Variants in FAM20C observed in about 807,000 individuals in gnomAD.
FAM20C encodes FAM20C golgi associated secretory pathway kinase.
FAM20C carries 40 observed loss-of-function variants against 51.5 expected under a neutral mutation model. The ratio of observed to expected loss-of-function variants is 0.78; its 90% CI spans 0.60 to 1.01. The LOEUF (loss-of-function observed/expected upper bound fraction) is 1.01. Ranked by LOEUF, FAM20C falls within the 50% of genes least tolerant of loss-of-function variation. The probability of loss-of-function intolerance (pLI) is 0.00; values close to 1 mark genes in which losing one functional copy is unlikely to be tolerated. For missense variants in FAM20C, 861 were observed against 844.7 expected (o/e 1.02, Z -0.24); for synonymous variants, 406 against 380.6 (o/e 1.07, Z -0.78).
Position 231,464 on chromosome 7 carries a change from C to T in FAM20C, c.864-14951C>T, listed in dbSNP as rs986465381. On this transcript the variant is annotated intron_variant, in intron 3 of 9. Coordinates refer to ENST00000313766, the MANE Select transcript of FAM20C (RefSeq NM_020223.4). ...GGGCCCCGTGGGAGGAGGGTCCCGG[C>T]GTGGAGGACTCTGTGGGAGGAGGGT... 2.1e-4 allele frequency among the ~76,000 whole-genome samples: 32 copies of T among 151,292 alleles called. No homozygotes were observed. The East Asian group carries it at 3.0e-3, about 14-fold the overall frequency.
At chr7:229,885 T>C (rs1583316721) in intron 3 of FAM20C, among the ~76,000 whole-genome samples, 2 of 151,988 alleles carry the variant, frequency 1.3e-5, no homozygotes, top group Admixed American at 1.3e-4. Context: ...AGGGATCTAG[T>C]GTGTTTGGAG....
intron 5 of FAM20C, 144 bp from the exon 6 acceptor site, chr7:255,705 T>A: frequency 1.2e-6 from 1 of 815,870 alleles, no homozygotes; most frequent in Non-Finnish European, 1.9e-6. Context: ...TGGAGGTGTT[T>A]GCTGGGATTG....
In FAM20C at chr7:227,228, G is replaced by A. The variant is rs780407671; in HGVS notation, c.863+18252G>A. Reference sequence around the variant, plus strand: ...GGGTGCCGCTAGTGTGTGGGCCATCGTTCTAATTGTCACGAAAGGGAGGGA... The same window carrying A: ...GGGTGCCGCTAGTGTGTGGGCCATCATTCTAATTGTCACGAAAGGGAGGGA... On this transcript the variant is annotated intron_variant, in intron 3 of 9. Coordinates refer to ENST00000313766, the MANE Select transcript of FAM20C (RefSeq NM_020223.4). Among the ~76,000 whole-genome samples, 98 of 151,960 alleles carry A rather than the reference G, an allele frequency of 6.4e-4. 1 individual carries two copies. The highest frequency in any genetic ancestry group is 2.3e-3 in the African/African-American group (94 of 41,374).
intron 2 of FAM20C, among the ~76,000 whole-genome samples, chr7:203,369 A>G (rs1241687010): frequency 6.8e-6 from 1 of 147,968 alleles, no homozygotes; most frequent in Non-Finnish European, 1.5e-5. Context: ...AAAACCCAAA[A>G]TTGCACCTTT....
chr7:203,476 G>T (rs181635290), intron 2 of FAM20C, among the ~76,000 whole-genome samples: 25 of 152,356 alleles, frequency 1.6e-4, no homozygotes, highest in African/African-American at 6.0e-4. Context: ...GAGGGTGGGC[G>T]TCTGTACCTC....
intron 3 of FAM20C, chr7:228,586 G>A (rs1229814598): frequency 2.2e-6 from 1 of 456,260 alleles, no homozygotes; most frequent in Non-Finnish European, 4.4e-6. Context: ...GCTCTCCTCT[G>A]AGGGCAGCGT....
chr7:202,257 A>C (rs1049063810), intron 2 of FAM20C, among the ~76,000 whole-genome samples: 8 of 151,570 alleles, frequency 5.3e-5, no homozygotes, highest in African/African-American at 1.7e-4. Context: ...TCCCGTGTGC[A>C]TAGAGAGGAC....
intron 3 of FAM20C, among the ~76,000 whole-genome samples, chr7:236,302 G>A (rs989122551): frequency 0.042 from 6,323 of 152,330 alleles, 169 homozygotes; most frequent in African/African-American, 0.071. Flanking sequence ...CCTTGCAGGT[G>A]CAGGGAGAAA....
chr7:244,123 T>TG (rs1294056431), intron 3 of FAM20C, among the ~76,000 whole-genome samples: 1 of 151,942 alleles, frequency 6.6e-6, no homozygotes, highest in Non-Finnish European at 1.5e-5. Context: ...TTCGTAGACC[T>TG]GGGGTCTCAC....
At chr7:228,421 G>A (rs1240547418) in intron 3 of FAM20C, 2 of 455,530 alleles carry the variant, frequency 4.4e-6, no homozygotes, top group African/African-American at 2.0e-5. Flanking sequence ...GGGTTGAGGA[G>A]ACCCCCAAGA....
intron 9 of FAM20C, among the ~76,000 whole-genome samples, chr7:259,151 G>T (rs142142262): frequency 6.6e-6 from 1 of 152,186 alleles, no homozygotes; most frequent in Non-Finnish European, 1.5e-5. Flanking sequence ...GCATCACAGC[G>T]CCCGTGTTGT....
chr7:194,526 C>G (rs1185759496), intron 1 of FAM20C, among the ~76,000 whole-genome samples: 1 of 152,024 alleles, frequency 6.6e-6, no homozygotes, highest in South Asian at 2.1e-4. Context: ...GAAGGTTACC[C>G]CAGCAGCAGA....
chr7:208,008 C>T (rs376541258), intron 2 of FAM20C, among the ~76,000 whole-genome samples: 103 of 152,340 alleles, frequency 6.8e-4, no homozygotes, highest in African/African-American at 2.3e-3. Flanking sequence ...TGCGGAGCGG[C>T]GGGAGCTGCC....
chr7:256,932 C>A, intron 7 of FAM20C, 73 bp from the exon 8 acceptor site: 2 of 1,493,920 alleles, frequency 1.3e-6, no homozygotes, highest in Non-Finnish European at 9.0e-7. Flanking sequence ...CGCCGCTCTG[C>A]AGAGCACAGA....
At chr7:255,478 C>T (rs1018949953) in intron 5 of FAM20C, among the ~76,000 whole-genome samples, 16 of 152,184 alleles carry the variant, frequency 1.1e-4, no homozygotes, top group African/African-American at 3.9e-4. Context: ...ATGCTAGATC[C>T]TCAGATGTGC....
chr7:193,734 G>A lies in FAM20C; in HGVS notation c.535G>A (p.Glu179Lys), dbSNP rs771901909. Reference sequence around the variant, plus strand: ...CCGGGTGGCGGTTCCGCCGCTCACGGAGGAGGACGTCCTGTTCAATGTGAA... The same window carrying A: ...CCGGGTGGCGGTTCCGCCGCTCACGAAGGAGGACGTCCTGTTCAATGTGAA... ...LYRVAVPPLT[E>K]EDVLFNVNSD... The change falls in exon 1 of 10, where the codon GAG (glutamate) becomes AAG (lysine). Residue 179 changes from glutamate to lysine, a missense_variant. This residue lies in a region of FAM20C where 561 missense variants were observed against 499.8 expected (regional missense o/e 1.12). Transcript: ENST00000313766. The A allele has an allele frequency of 1.3e-5, 20 of 1,547,708 alleles. No individual in the cohort carries two copies. The highest frequency in any genetic ancestry group is 1.6e-5 in the Non-Finnish European group (18 of 1,145,642).
chr7:193,878 G>A, intron 1 of FAM20C, 74 bp downstream of exon 1: 5 of 1,473,704 alleles, frequency 3.4e-6, no homozygotes, highest in Non-Finnish European at 4.5e-6. Context: ...AGGTTCAGGG[G>A]CCCCAGAGGG....
chr7:211,588 A>G (rs1786717291), intron 3 of FAM20C, among the ~76,000 whole-genome samples: 1 of 152,136 alleles, frequency 6.6e-6, no homozygotes, highest in African/African-American at 2.4e-5. Flanking sequence ...CCCGTTTGTC[A>G]GGGCCCTGCC....
intron 3 of FAM20C, among the ~76,000 whole-genome samples, chr7:236,562 C>G (rs1787853240): frequency 1.3e-5 from 2 of 152,218 alleles, no homozygotes; most frequent in Admixed American, 1.3e-4. Context: ...CCACTTCTTA[C>G]TCTGCAGAAA....
Sources: allele counts gnomAD v4.1 joint callset (sites outside exome capture counted in the v4.1 genomes callset), GRCh38; gene constraint gnomAD v4.1.1; regional missense constraint gnomAD v4.1.1; transcripts MANE v1.5; gene names NCBI Gene and HGNC (gene_info 2026-07-23, HGNC 2026-07-21).